The following CCDC170 variants were observed in gnomAD, a reference collection of about 807,000 sequenced individuals.
The protein encoded by CCDC170 is coiled-coil domain-containing protein 170.
CCDC170 carries 69 observed loss-of-function variants against 72.6 expected under a neutral mutation model. That is an observed-to-expected ratio of 0.95 (90% confidence interval 0.78 to 1.16). The LOEUF is 1.16. Among genes scored for constraint, CCDC170 ranks in the 50% most tolerant of loss-of-function variants. CCDC170 has a pLI of 0.00. For synonymous variants in CCDC170, 300 were observed against 303.9 expected, an observed-to-expected ratio of 0.99 and a Z score of 0.13; for missense variants, 852 against 832.5, an observed-to-expected ratio of 1.02 and a Z score of -0.29.
intron 3 of CCDC170, among the ~76,000 whole-genome samples, chr6:151,539,226 A>T (rs1257967687): frequency 6.6e-6 from 1 of 151,522 alleles, no homozygotes; most frequent in Admixed American, 6.6e-5. Flanking sequence ...ACACCACTGT[A>T]CTCCAGCCTG....
intron 1 of CCDC170, among the ~76,000 whole-genome samples, chr6:151,510,279 A>G (rs1369102178): frequency 6.6e-6 from 1 of 152,256 alleles, no homozygotes; most frequent in Non-Finnish European, 1.5e-5. Context: ...CACTGGGGCT[A>G]CAGTGATGAA....
chr6:151,613,944 A>T (rs1014879747), intron 9 of CCDC170, among the ~76,000 whole-genome samples: 3 of 152,188 alleles, frequency 2.0e-5, no homozygotes, highest in Admixed American at 2.0e-4. Context: ...ACATCATTTT[A>T]CATACCTACC....
At chr6:151,572,902 C>T (rs1357379525) in intron 5 of CCDC170, among the ~76,000 whole-genome samples, 1 of 151,920 alleles carries the variant, frequency 6.6e-6, no homozygotes, top group African/African-American at 2.4e-5. Flanking sequence ...ATCCACCCAC[C>T]TCAGCCTCCA....
At chr6:151,507,118 T>A in intron 1 of CCDC170, among the ~76,000 whole-genome samples, 1 of 152,070 alleles carries the variant, frequency 6.6e-6, no homozygotes, top group Admixed American at 6.6e-5. Context: ...AATGAGGGGA[T>A]CTGGAGCCCA....
chr6:151,499,550 T>C lies in CCDC170; in HGVS notation c.57+5365T>C, dbSNP rs1284171851. On this transcript the variant is annotated intron_variant, in intron 1 of 10. Transcript: ENST00000239374. ...GACTATTCTAGGCATGCTGTATAAG[T>C]GGAATCATACTGTATTTGACTATTC... Among the ~76,000 whole-genome samples the C allele has an allele frequency of 3.2e-5, 4 of 123,766 alleles. No individual in the cohort carries two copies. The East Asian group carries it at 8.0e-4, about 25-fold the overall frequency. 81.2% of individuals were successfully genotyped at this position (123,766 alleles called of 152,430 possible).
Position 151,583,398 on chromosome 6 carries a change from C to G in CCDC170, c.1093-2491C>G, listed in dbSNP as rs542069186. On this transcript the variant is annotated intron_variant, in intron 6 of 10. Transcript: ENST00000239374. ...TTGGCCGATCTCAGATTTCAACATG[C>G]CTTTCTTACTAAGCTTAGTCATTTC... is the stretch of plus-strand genomic sequence containing the variant. Among the ~76,000 whole-genome samples, 4 of 152,254 alleles carry G rather than the reference C, an allele frequency of 2.6e-5. No homozygotes were observed. The South Asian group carries it at 8.3e-4, about 32-fold the overall frequency.
At position 151,613,806 on chromosome 6, in the gene CCDC170, G is replaced by A. The variant is rs77736981; in HGVS notation, c.1711-1637G>A. Among the ~76,000 whole-genome samples, 515 of 152,286 alleles carry A rather than the reference G, an allele frequency of 3.4e-3. 3 individuals carry two copies. Among genetic ancestry groups the A allele is most frequent in the South Asian group, 0.021 (99 of 4,816 alleles). Reference sequence around the variant, plus strand: ...GAATAATGCTTCTATGAACATTTGTGTACAGTTTCTGTGTGGGCATAAGTT... The same window carrying A: ...GAATAATGCTTCTATGAACATTTGTATACAGTTTCTGTGTGGGCATAAGTT... On this transcript the variant is annotated intron_variant, in intron 9 of 10. Coordinates refer to ENST00000239374, the MANE Select transcript of CCDC170 (RefSeq NM_025059.4).
chr6:151,572,657 T>TG (rs1562286236), intron 5 of CCDC170, among the ~76,000 whole-genome samples: 8 of 136,346 alleles, frequency 5.9e-5, no homozygotes, highest in Non-Finnish European at 7.8e-5. Flanking sequence ...GTGTTTTTTT[T>TG]TTTTTTTTTT....
intron 1 of CCDC170, among the ~76,000 whole-genome samples, chr6:151,520,374 G>A (rs575183431): frequency 2.6e-5 from 4 of 152,320 alleles, no homozygotes; most frequent in Middle Eastern, 3.4e-3. Context: ...CCGCCTTTGC[G>A]AAATTATGAC....
At chr6:151,524,905 G>C (rs537598138) in intron 1 of CCDC170, among the ~76,000 whole-genome samples, 5 of 148,604 alleles carry the variant, frequency 3.4e-5, no homozygotes, top group Middle Eastern at 3.5e-3. Flanking sequence ...TCTCCAAATA[G>C]ATCCAAATGG....
intron 5 of CCDC170, among the ~76,000 whole-genome samples, chr6:151,560,130 C>T (rs1301450508): frequency 6.6e-6 from 1 of 152,108 alleles, no homozygotes; most frequent in East Asian, 1.9e-4. Flanking sequence ...ACTACTTTTG[C>T]TGTATCCCAG....
At chr6:151,511,747 A>G (rs908535226) in intron 1 of CCDC170, among the ~76,000 whole-genome samples, 22 of 152,316 alleles carry the variant, frequency 1.4e-4, no homozygotes, top group Non-Finnish European at 2.1e-4. Context: ...TGTTTTTGAG[A>G]GGTCCAAGAA....
Position 151,494,737 on chromosome 6 carries a change from A to G in CCDC170, c.57+552A>G, listed in dbSNP as rs533160796. On this transcript the variant is annotated intron_variant, in intron 1 of 10. Coordinates refer to ENST00000239374, the MANE Select transcript of CCDC170 (RefSeq NM_025059.4). The stretch of plus-strand genomic sequence containing the variant: ...TAGATGTACCAATGCGCGCGCGCAC[A>G]CACACACGAACATGCGCGCATACAC... Among the ~76,000 whole-genome samples the G allele has an allele frequency of 2.6e-5, 4 of 152,318 alleles. No homozygotes were observed. In the East Asian group the frequency reaches 7.7e-4, roughly 29 times the overall value.
chr6:151,600,062 A>G (rs1019436191), intron 9 of CCDC170, among the ~76,000 whole-genome samples: 1 of 152,198 alleles, frequency 6.6e-6, no homozygotes, highest in Admixed American at 6.5e-5. Flanking sequence ...AAGGAATGTT[A>G]AGTCTTCCTT....
intron 7 of CCDC170, among the ~76,000 whole-genome samples, chr6:151,586,390 C>T (rs1776451303): frequency 6.6e-6 from 1 of 152,134 alleles, no homozygotes; most frequent in African/African-American, 2.4e-5. Context: ...GACAGATACT[C>T]AGATAATTTG....
In CCDC170 at chr6:151,548,359, AAG is replaced by A; in HGVS notation, c.648_649del (p.Glu216AspfsTer6). The stretch of plus-strand genomic sequence containing the variant: ...GTGAAAGGACAAATTGTTATTCTTG[AAG>A]AGACTATAAATGTCCATGAGATGGA... On this transcript the variant is annotated frameshift_variant, in exon 5 of 11. Transcript: ENST00000239374. LOFTEE classifies it high-confidence loss of function. 1.9e-6 allele frequency: 3 copies of A among 1,610,058 alleles called. No individual in the cohort carries two copies. Among genetic ancestry groups the A allele is most frequent in the Non-Finnish European group, 2.5e-6 (3 of 1,177,930 alleles).
intron 6 of CCDC170, among the ~76,000 whole-genome samples, chr6:151,584,490 G>T (rs1382554289): frequency 6.6e-6 from 1 of 152,044 alleles, no homozygotes; most frequent in Admixed American, 6.5e-5. Context: ...TAAAAACAAA[G>T]ACATGAAATT....
chr6:151,526,190 C>CTCTT (rs1299048879), intron 1 of CCDC170, among the ~76,000 whole-genome samples: 3 of 148,910 alleles, frequency 2.0e-5, no homozygotes, highest in African/African-American at 7.4e-5. Context: ...TCTCCTCTCT[C>CTCTT]TCTTTCTTTC....
At chr6:151,617,329 G>A (rs766033093) in intron 10 of CCDC170, among the ~76,000 whole-genome samples, 2 of 150,104 alleles carry the variant, frequency 1.3e-5, no homozygotes, top group Non-Finnish European at 3.0e-5. Context: ...CTTGTGAAAT[G>A]GCAATCTGTG....
Sources: allele counts gnomAD v4.1 joint callset (sites outside exome capture counted in the v4.1 genomes callset), GRCh38; gene constraint gnomAD v4.1.1; transcripts MANE v1.5; gene names NCBI Gene and HGNC (gene_info 2026-07-23, HGNC 2026-07-21).